MIGA1: variants seen among roughly 807,000 people sequenced by gnomAD.
MIGA1 encodes family with sequence similarity 73, member A.
A neutral mutation model predicts 82.0 loss-of-function variants in MIGA1; 58 were observed. The observed-to-expected ratio is 0.71, with a 90% CI of 0.57 to 0.88. MIGA1 has a LOEUF of 0.88. Among genes scored for constraint, MIGA1 ranks in the 40% least tolerant of loss-of-function variants. The probability of loss-of-function intolerance (pLI) is 0.00; values close to 1 mark genes in which losing one functional copy is unlikely to be tolerated. For missense variants in MIGA1, 751 were observed against 749.1 expected, an observed-to-expected ratio of 1.00 and a Z score of -0.03; for synonymous variants, 249 against 253.6, an observed-to-expected ratio of 0.98 and a Z score of 0.17.
chr1:77,862,418 G>C (rs927826962), intron 12 of MIGA1, among the ~76,000 whole-genome samples: 11 of 150,382 alleles, frequency 7.3e-5, no homozygotes, highest in African/African-American at 2.7e-4. Flanking sequence ...CTGTACTCCA[G>C]CCTGGGTGAC....
At position 77,856,018 on chromosome 1, in the gene MIGA1, T is replaced by C. The variant is rs188853153; in HGVS notation, c.997-2920T>C. Among the ~76,000 whole-genome samples the C allele has an allele frequency of 6.4e-3, 976 of 152,306 alleles. 8 individuals are homozygous for C. The highest frequency in any genetic ancestry group is 0.022 in the African/African-American group (917 of 41,562). ...AACTTTTCCCCATTCAGTATTATGT[T>C]GGCTGTGGGTTTGTCTTAGATGGCT... On this transcript the variant is annotated intron_variant, in intron 8 of 15. Transcript: ENST00000370791.
Position 77,813,858 on chromosome 1 carries a change from A to G in MIGA1, c.762A>G (p.Glu254=), listed in dbSNP as rs202031615. The change falls in exon 6 of 16, where the codon GAA becomes GAG. Residue 254 remains glutamate, a synonymous_variant. Transcript: ENST00000370791. ...GTGCAGGAGATGCCATTGCTGAAGA[A>G]AATGTAGATGTAAGGGTGATTGATT... 60 of 1,614,156 alleles carry G rather than the reference A, an allele frequency of 3.7e-5. No homozygotes were observed. The East Asian group carries it at 1.3e-3, about 35-fold the overall frequency.
At chr1:77,787,982 AT>A (rs1355241531) in intron 2 of MIGA1, among the ~76,000 whole-genome samples, 2 of 150,966 alleles carry the variant, frequency 1.3e-5, no homozygotes, top group African/African-American at 4.9e-5. Context: ...CACCTGGCTA[AT>A]TTTTGTATTT....
At chr1:77,797,441 T>A (rs2101735221) in intron 2 of MIGA1, among the ~76,000 whole-genome samples, 1 of 152,340 alleles carries the variant, frequency 6.6e-6, no homozygotes, top group East Asian at 1.9e-4. Flanking sequence ...TCTGCAACTT[T>A]GTTCTTTTTA....
At chr1:77,842,158 T>C (rs1384489250) in intron 7 of MIGA1, among the ~76,000 whole-genome samples, 1 of 152,212 alleles carries the variant, frequency 6.6e-6, no homozygotes, top group Non-Finnish European at 1.5e-5. Context: ...AATCTATATA[T>C]GTTTTATTCT....
intron 3 of MIGA1, among the ~76,000 whole-genome samples, chr1:77,802,986 A>G (rs908416316): frequency 6.6e-6 from 1 of 152,176 alleles, no homozygotes; most frequent in Non-Finnish European, 1.5e-5. Context: ...GTATTTTTAT[A>G]CTGGTTACAA....
intron 12 of MIGA1, among the ~76,000 whole-genome samples, chr1:77,862,390 A>T (rs6659045): frequency 0.9 from 136,688 of 151,834 alleles, 61,711 homozygotes; most frequent in African/African-American, 0.95. Context: ...GAGGTGGCAG[A>T]GAGTCAAGAT....
At chr1:77,867,893 T>C (rs1685736386) in intron 14 of MIGA1, among the ~76,000 whole-genome samples, 1 of 150,448 alleles carries the variant, frequency 6.6e-6, no homozygotes, top group Admixed American at 6.7e-5. Flanking sequence ...TTTAAAATGA[T>C]TCCAGAGACC....
intron 8 of MIGA1, among the ~76,000 whole-genome samples, chr1:77,849,387 C>T (rs1684962788): frequency 6.6e-6 from 1 of 151,948 alleles, no homozygotes; most frequent in Admixed American, 6.6e-5. Context: ...ACAGCGGGAC[C>T]CTGTCTCTAA....
chr1:77,813,129 G>A (rs555972860), intron 5 of MIGA1, among the ~76,000 whole-genome samples: 31 of 152,114 alleles, frequency 2.0e-4, no homozygotes, highest in African/African-American at 6.7e-4. Flanking sequence ...TTACAGGCAC[G>A]TATCACCACA....
intron 1 of MIGA1, chr1:77,780,275 C>A: frequency 1.7e-6 from 1 of 589,244 alleles, no homozygotes; most frequent in Non-Finnish European, 2.1e-6. Context: ...TGAAAGATTA[C>A]TCTGCTTTGC....
At chr1:77,808,133 T>C (rs796553403) in intron 5 of MIGA1, among the ~76,000 whole-genome samples, 1,865 of 149,714 alleles carry the variant, frequency 0.012, 24 homozygotes, top group African/African-American at 0.041. Context: ...TTTCTCTCTT[T>C]TTTTTTTTTT....
intron 7 of MIGA1, among the ~76,000 whole-genome samples, chr1:77,835,866 T>G (rs1684403836): frequency 6.6e-6 from 1 of 151,932 alleles, no homozygotes; most frequent in Non-Finnish European, 1.5e-5. Flanking sequence ...AAGAATCGCT[T>G]CAACCTGGGA....
At chr1:77,804,264 A>G (rs1683001545) in intron 4 of MIGA1, among the ~76,000 whole-genome samples, 1 of 152,152 alleles carries the variant, frequency 6.6e-6, no homozygotes. Flanking sequence ...TTGACTGACA[A>G]GCAGGAGGCT....
rs772584328 is a variant in MIGA1 at position 77,877,698 on chromosome 1, T to C, written c.*2634T>C. 8.5e-5 allele frequency: 13 copies of C among 152,678 alleles called. No individual in the cohort carries two copies. Among genetic ancestry groups the C allele is most frequent in the Non-Finnish European group, 1.6e-4 (11 of 68,038 alleles). The allele number at this position is 152,678 out of a possible 1,614,324, so 9.5% of individuals were successfully genotyped here. A position where few individuals can be genotyped will look rare whatever the true frequency, so the allele number is the denominator to read the frequency against. Reference sequence around the variant, plus strand: ...AAATGTAATTTATTTTAGAAAGATATTATTTGAAATCAATTTTGAAGAATT... The same window carrying C: ...AAATGTAATTTATTTTAGAAAGATACTATTTGAAATCAATTTTGAAGAATT... On this transcript the variant is annotated 3_prime_UTR_variant, in exon 16 of 16. Coordinates refer to ENST00000370791, the MANE Select transcript of MIGA1 (RefSeq NM_198549.4).
In MIGA1 at chr1:77,823,443, G is replaced by A. The variant is rs900340790; in HGVS notation, c.895+8212G>A. Among the ~76,000 whole-genome samples the A allele has an allele frequency of 2.0e-5, 3 of 152,158 alleles. No homozygotes were observed. The South Asian group carries it at 6.2e-4, about 31-fold the overall frequency. ...GGTATGTAAATTATACTTCAATAAA[G>A]GAGTTAAAAATACACTGTGGATGGT... is the stretch of plus-strand genomic sequence containing the variant. On this transcript the variant is annotated intron_variant, in intron 7 of 15. Transcript: ENST00000370791.
At chr1:77,808,770 G>A (rs1169261481) in intron 5 of MIGA1, among the ~76,000 whole-genome samples, 2 of 152,198 alleles carry the variant, frequency 1.3e-5, no homozygotes, top group African/African-American at 4.8e-5. Flanking sequence ...TGATGGCTCT[G>A]TGTAGAAGGA....
intron 5 of MIGA1, among the ~76,000 whole-genome samples, chr1:77,813,260 T>C (rs1042182349): frequency 5.3e-5 from 8 of 152,030 alleles, no homozygotes; most frequent in African/African-American, 1.7e-4. Flanking sequence ...GGGATTACAG[T>C]CATGAGCCAC....
chr1:77,840,823 TAATA>T (rs1270858033), intron 7 of MIGA1, among the ~76,000 whole-genome samples: 1 of 151,804 alleles, frequency 6.6e-6, no homozygotes, highest in Admixed American at 6.6e-5. Context: ...AATAAATAAA[TAATA>T]AAATAAAATA....
Sources: allele counts gnomAD v4.1 joint callset (sites outside exome capture counted in the v4.1 genomes callset), GRCh38; gene constraint gnomAD v4.1.1; transcripts MANE v1.5; gene names NCBI Gene and HGNC (gene_info 2026-07-23, HGNC 2026-07-21).